Variants in ADAMTSL1 observed in about 807,000 individuals in gnomAD.
ADAMTSL1 encodes the protein ADAMTS like 1, also known as ADAMTS-like protein 1.
A neutral mutation model predicts 201.8 loss-of-function variants in ADAMTSL1; 126 were observed. The observed-to-expected ratio is 0.62, with a 90% CI of 0.54 to 0.72. The LOEUF (loss-of-function observed/expected upper bound fraction) is 0.72. Ranked by LOEUF, ADAMTSL1 falls within the 30% of genes least tolerant of loss-of-function variation. ADAMTSL1 has a pLI of 0.00. For synonymous variants in ADAMTSL1, 1,121 were observed against 903.4 expected (o/e 1.24, Z -4.32); for missense variants, 2,679 against 2,277.8 (o/e 1.18, Z -3.59).
At chr9:18,175,351 C>A (rs1042786207) in intron 2 of ADAMTSL1, among the ~76,000 whole-genome samples, 2 of 152,172 alleles carry the variant, frequency 1.3e-5, no homozygotes, top group Non-Finnish European at 2.9e-5. Context: ...AGCTGGCTGC[C>A]CATCCATTCT....
intron 15 of ADAMTSL1, among the ~76,000 whole-genome samples, chr9:18,739,854 A>C (rs1343309630): frequency 6.6e-6 from 1 of 151,220 alleles, no homozygotes; most frequent in Non-Finnish European, 1.5e-5. Flanking sequence ...ACGCATATGC[A>C]TGTGTATCAA....
intron 2 of ADAMTSL1, among the ~76,000 whole-genome samples, chr9:18,465,358 A>G (rs1343475958): frequency 1.3e-5 from 2 of 152,232 alleles, no homozygotes; most frequent in African/African-American, 4.8e-5. Context: ...TTCTCATAAA[A>G]GTCTGGAGGT....
Position 18,402,811 on chromosome 9 carries a change from A to G in ADAMTSL1, c.208-102018A>G, listed in dbSNP as rs149478706. On this transcript the variant is annotated intron_variant, in intron 2 of 29. Coordinates refer to the ADAMTSL1 transcript ENST00000680146. ...GGGCCTGGAATTAGGGACTTCTAGC[A>G]TATACCCTATACCTGTATCATGACT... Among the ~76,000 whole-genome samples, 64 of 152,304 alleles carry G rather than the reference A, an allele frequency of 4.2e-4. 1 individual carries two copies. The highest frequency in any genetic ancestry group is 3.4e-3 in the Middle Eastern group (1 of 294).
intron 1 of ADAMTSL1, among the ~76,000 whole-genome samples, chr9:18,487,970 G>A (rs1292831661): frequency 6.6e-6 from 1 of 152,162 alleles, no homozygotes; most frequent in South Asian, 2.1e-4. Context: ...AGTTTAGTGA[G>A]TGGCATTTTT....
chr9:18,329,376 T>A (rs1399842665), intron 2 of ADAMTSL1, among the ~76,000 whole-genome samples: 9 of 152,154 alleles, frequency 5.9e-5, no homozygotes, highest in Non-Finnish European at 5.9e-5. Flanking sequence ...AGTATTAAGT[T>A]CACGAAGAGA....
chr9:18,717,904 A>C (rs998719514), intron 14 of ADAMTSL1: 6 of 1,046,696 alleles, frequency 5.7e-6, no homozygotes, highest in African/African-American at 4.7e-5. Flanking sequence ...ACAAAGTTGG[A>C]GTGTTGGCAC....
chr9:17,977,006 A>T (rs1818479414), intron 1 of ADAMTSL1, among the ~76,000 whole-genome samples: 1 of 151,986 alleles, frequency 6.6e-6, no homozygotes, highest in South Asian at 2.1e-4. Flanking sequence ...CATTCTTTCT[A>T]TACCTAATTT....
chr9:18,229,390 A>G (rs551526171), intron 2 of ADAMTSL1, among the ~76,000 whole-genome samples: 1 of 152,236 alleles, frequency 6.6e-6, no homozygotes, highest in East Asian at 1.9e-4. Flanking sequence ...CTGTGATGTG[A>G]CAGTGGCTTT....
At chr9:17,911,706 A>T (rs4497062) in intron 1 of ADAMTSL1, among the ~76,000 whole-genome samples, 57,650 of 66,214 alleles carry the variant, frequency 0.87, 27,197 homozygotes, top group East Asian at 1. Flanking sequence ...CTATTATAAT[A>T]TAAGTTTTAG....
At chr9:18,430,338 G>A (rs923430113) in intron 2 of ADAMTSL1, among the ~76,000 whole-genome samples, 4 of 152,232 alleles carry the variant, frequency 2.6e-5, no homozygotes, top group South Asian at 4.2e-4. Flanking sequence ...CCCAAAGTGT[G>A]CTCGCCTGAG....
chr9:18,826,716 T>C (rs1446261625), intron 22 of ADAMTSL1, among the ~76,000 whole-genome samples: 1 of 152,226 alleles, frequency 6.6e-6, no homozygotes, highest in African/African-American at 2.4e-5. Flanking sequence ...AAGCCTTAGA[T>C]ACTGGTCTCT....
chr9:18,874,086 C>T (rs1388883802), intron 23 of ADAMTSL1, among the ~76,000 whole-genome samples: 1 of 151,990 alleles, frequency 6.6e-6, no homozygotes, highest in African/African-American at 2.4e-5. Context: ...TGATTTGATT[C>T]TCAGCTTGGT....
intron 2 of ADAMTSL1, among the ~76,000 whole-genome samples, chr9:18,438,049 G>T (rs12353438): frequency 0.026 from 3,890 of 152,090 alleles, 160 homozygotes; most frequent in African/African-American, 0.09. Flanking sequence ...GAGGAGCCAG[G>T]GAACTTTTGT....
chr9:18,512,132 T>A (rs111712654), intron 2 of ADAMTSL1, among the ~76,000 whole-genome samples: 1 of 152,194 alleles, frequency 6.6e-6, no homozygotes, highest in Non-Finnish European at 1.5e-5. Flanking sequence ...TTTTGGAACA[T>A]ATGCTTAAGA....
At chr9:17,986,072 C>T (rs1035845030) in intron 1 of ADAMTSL1, among the ~76,000 whole-genome samples, 1 of 152,072 alleles carries the variant, frequency 6.6e-6, no homozygotes, top group Non-Finnish European at 1.5e-5. Context: ...TATGTGGGAG[C>T]AACTGGCCAA....
chr9:18,766,427 A>G (rs1820367780), intron 16 of ADAMTSL1, among the ~76,000 whole-genome samples: 1 of 152,200 alleles, frequency 6.6e-6, no homozygotes. Context: ...AATAGAGTGT[A>G]GAGAAGACAA....
chr9:18,168,320 C>T (rs2132112411), intron 2 of ADAMTSL1, among the ~76,000 whole-genome samples: 1 of 152,230 alleles, frequency 6.6e-6, no homozygotes, highest in South Asian at 2.1e-4. Flanking sequence ...GTTCCCCTTC[C>T]TGTGTCCATG....
At chr9:18,029,169 G>A (rs970906951) in intron 1 of ADAMTSL1, among the ~76,000 whole-genome samples, 2 of 152,120 alleles carry the variant, frequency 1.3e-5, no homozygotes, top group East Asian at 1.9e-4. Flanking sequence ...GGGCTGAGAT[G>A]ATGGGGTTTT....
chr9:18,287,460 T>G (rs1237095430), intron 2 of ADAMTSL1, among the ~76,000 whole-genome samples: 1 of 151,724 alleles, frequency 6.6e-6, no homozygotes, highest in Non-Finnish European at 1.5e-5. Context: ...ATTTTACACA[T>G]ATATGTAAAT....
Sources: allele counts gnomAD v4.1 joint callset (sites outside exome capture counted in the v4.1 genomes callset), GRCh38; gene constraint gnomAD v4.1.1; transcripts MANE v1.5; gene names NCBI Gene and HGNC (gene_info 2026-07-23, HGNC 2026-07-21).